Variants in KCNQ1 observed in about 807,000 individuals in gnomAD.
The protein encoded by KCNQ1 is potassium voltage-gated channel subfamily Q member 1.
KCNQ1 carries 49 observed loss-of-function variants against 72.4 expected under a neutral mutation model. The ratio of observed to expected loss-of-function variants is 0.68; its 90% CI spans 0.54 to 0.86. The LOEUF is 0.86. Among genes scored for constraint, KCNQ1 ranks in the 40% least tolerant of loss-of-function variants. The pLI is 0.00. For synonymous variants in KCNQ1, 450 were observed against 412.6 expected (o/e 1.09, Z -1.10); for missense variants, 790 against 945.1 (o/e 0.84, Z 2.15).
rs144277246 is a variant in KCNQ1, at chr11:2,465,634, C to A, written c.386+20150C>A. ...TCACGCTAGGTGCCTTGTACCAGTG[C>A]CTGCTTGGGGGTGGAATTGGAGAGG... is the stretch of plus-strand genomic sequence containing the variant. On this transcript the variant is annotated intron_variant, in intron 1 of 15. Transcript: ENST00000155840. Among the ~76,000 whole-genome samples the A allele has an allele frequency of 5.2e-3, 798 of 152,308 alleles. 5 individuals are homozygous for A. The highest frequency in any genetic ancestry group is 9.0e-3 in the Non-Finnish European group (610 of 68,022).
In KCNQ1 at chr11:2,669,721, G is replaced by A. The variant is rs16928530; in HGVS notation, c.1514+7640G>A. The A allele has an allele frequency of 0.01, 4,161 of 398,554 alleles. 168 individuals carry two copies. Among genetic ancestry groups the A allele is most frequent in the African/African-American group, 0.077 (3,761 of 48,684 alleles). The allele number at this position is 398,554 out of a possible 1,614,324, so 24.7% of individuals were successfully genotyped here. A position where few individuals can be genotyped will look rare whatever the true frequency, so the allele number is the denominator to read the frequency against. ...AGGCATCCAGCCACATACCTGACTC[G>A]GGGAAATGCCTGAAAATATTAGCCA... is the stretch of plus-strand genomic sequence containing the variant. On this transcript the variant is annotated intron_variant, in intron 11 of 15. Transcript: ENST00000155840. The surrounding 1 kb of genome is among the most constrained non-coding windows in gnomAD (Gnocchi z 5.6).
In KCNQ1 at chr11:2,759,044, TACTC is replaced by T. The variant is rs1341630009; in HGVS notation, c.1515-9799_1515-9796del. Reference sequence around the variant, plus strand: ...TGTCAATCTCCTGGCGTTGATCTGTTACTCCACCCATGCAAGGTGTGACCGTCGC... The same window carrying T: ...TGTCAATCTCCTGGCGTTGATCTGTTCACCCATGCAAGGTGTGACCGTCGC... On this transcript the variant is annotated intron_variant, in intron 11 of 15. Coordinates refer to ENST00000155840, the MANE Select transcript of KCNQ1 (RefSeq NM_000218.3). This position sits in a 1 kb window ranked among gnomAD's most constrained non-coding sequence, Gnocchi z 4.4. Among the ~76,000 whole-genome samples, 2 of 151,864 alleles carry T rather than the reference TACTC, an allele frequency of 1.3e-5. No homozygotes were observed. Among genetic ancestry groups the T allele is most frequent in the African/African-American group, 2.4e-5 (1 of 41,330 alleles).
In KCNQ1 at chr11:2,626,628, A is replaced by G. The variant is rs941149255; in HGVS notation, c.1394-35333A>G. 1.3e-5 allele frequency: 5 copies of G among 398,516 alleles called. No individual in the cohort carries two copies. Among genetic ancestry groups the G allele is most frequent in the Non-Finnish European group, 2.2e-5 (5 of 226,112 alleles). The allele number at this position is 398,516 out of a possible 1,614,324, so 24.7% of individuals were successfully genotyped here. A position where few individuals can be genotyped will look rare whatever the true frequency, so the allele number is the denominator to read the frequency against. On this transcript the variant is annotated intron_variant, in intron 10 of 15. Coordinates refer to ENST00000155840, the MANE Select transcript of KCNQ1 (RefSeq NM_000218.3). This position sits in a 1 kb window ranked among gnomAD's most constrained non-coding sequence, Gnocchi z 4.0. Reference sequence around the variant, plus strand: ...ACTGCCACCTCAATCTCCCAGGCTCAAGCAATCCTCCCACCTCGGCTTCTT... The same window carrying G: ...ACTGCCACCTCAATCTCCCAGGCTCGAGCAATCCTCCCACCTCGGCTTCTT...
Position 2,703,607 on chromosome 11 carries a change from T to C in KCNQ1, c.1514+41526T>C, listed in dbSNP as rs1483322038. Among the ~76,000 whole-genome samples, 1 of 152,136 alleles carries C rather than the reference T, an allele frequency of 6.6e-6. No homozygotes were observed. The highest frequency in any genetic ancestry group is 2.4e-5 in the African/African-American group (1 of 41,416). On this transcript the variant is annotated intron_variant, in intron 11 of 15. Coordinates refer to ENST00000155840, the MANE Select transcript of KCNQ1 (RefSeq NM_000218.3). This position sits in a 1 kb window ranked among gnomAD's most constrained non-coding sequence, Gnocchi z 6.4. The stretch of plus-strand genomic sequence containing the variant: ...GTGGGGGATTAGGGGAGGAAGTTGC[T>C]GAGCTAATTCTTTTGCATTTGCCAG...
chr11:2,740,716 C>T (rs1042323153), intron 11 of KCNQ1, among the ~76,000 whole-genome samples: 25 of 152,214 alleles, frequency 1.6e-4, no homozygotes, highest in African/African-American at 4.6e-4. Flanking sequence ...GTTTCCTGCT[C>T]CTAGGGGCGC....
rs756974681 is a variant in KCNQ1, at chr11:2,461,518, G to T, written c.386+16034G>T. 3 of 1,332,602 alleles carry T rather than the reference G, an allele frequency of 2.3e-6. No individual in the cohort carries two copies. The Admixed American group carries it at 6.1e-5, about 27-fold the overall frequency. The allele number at this position is 1,332,602 out of a possible 1,614,324, so 82.5% of individuals were successfully genotyped here. A position where few individuals can be genotyped will look rare whatever the true frequency, so the allele number is the denominator to read the frequency against. ...GCACTGTCTTTGCGCCTGCACATGT[G>T]TGTGTCTGGAGTGTAGGATGGCACT... On this transcript the variant is annotated intron_variant, in intron 1 of 15. Transcript: ENST00000155840.
intron 10 of KCNQ1, chr11:2,625,890 C>A (rs1849254112): frequency 2.5e-6 from 1 of 398,542 alleles, no homozygotes; most frequent in Admixed American, 4.4e-5. Context: ...TTTTCAGGTG[C>A]ATTGTTTTTT....
chr11:2,554,091 C>T (rs1848033903), intron 2 of KCNQ1, among the ~76,000 whole-genome samples: 1 of 152,182 alleles, frequency 6.6e-6, no homozygotes, highest in Non-Finnish European at 1.5e-5. Flanking sequence ...CGCCCACGCT[C>T]ACGAGGGCGT....
rs1360441157 is a variant in KCNQ1, at chr11:2,464,882, G to A, written c.386+19398G>A. Among the ~76,000 whole-genome samples, 1 of 152,154 alleles carries A rather than the reference G, an allele frequency of 6.6e-6. No homozygotes were observed. Among genetic ancestry groups the A allele is most frequent in the Admixed American group, 6.5e-5 (1 of 15,284 alleles). ...TTCTCTTTTCCTGTGTGTTAAGGTAGTTCAAAGTCCTCCTGCCCGAGGAAG... is the reference window on the plus strand; with the variant it reads ...TTCTCTTTTCCTGTGTGTTAAGGTAATTCAAAGTCCTCCTGCCCGAGGAAG... On this transcript the variant is annotated intron_variant, in intron 1 of 15. Transcript: ENST00000155840. This position sits in a 1 kb window ranked among gnomAD's most constrained non-coding sequence, Gnocchi z 5.0.
At position 2,784,028 on chromosome 11, in the gene KCNQ1, C is replaced by T. The variant is rs184975771; in HGVS notation, c.1794+5991C>T. On this transcript the variant is annotated intron_variant, in intron 15 of 15. Coordinates refer to ENST00000155840, the MANE Select transcript of KCNQ1 (RefSeq NM_000218.3). This position sits in a 1 kb window ranked among gnomAD's most constrained non-coding sequence, Gnocchi z 4.7. ...GTCCAATTTGTCTTTTCTTATATGG[C>T]TCAGGCTTTTGATGTTTTATCTAAG... Among the ~76,000 whole-genome samples the T allele has an allele frequency of 2.0e-5, 3 of 152,020 alleles. No homozygotes were observed. The highest frequency in any genetic ancestry group is 6.5e-5 in the Admixed American group (1 of 15,294).
chr11:2,521,131 G>A (rs1589926688), intron 1 of KCNQ1, among the ~76,000 whole-genome samples: 2 of 152,024 alleles, frequency 1.3e-5, no homozygotes, highest in East Asian at 1.9e-4. Flanking sequence ...GTGGCAATAG[G>A]TACATTTACA....
Position 2,661,830 on chromosome 11 carries a change from A to T in KCNQ1, c.1394-131A>T. ...ACCCCAACACCCAACTATAAAACTG[A>T]TTGTCAGGGCTGGAGCTTCCAGGCA... On this transcript the variant is annotated intron_variant, in intron 10 of 15. Coordinates refer to ENST00000155840, the MANE Select transcript of KCNQ1 (RefSeq NM_000218.3). This position sits in a 1 kb window ranked among gnomAD's most constrained non-coding sequence, Gnocchi z 5.9. The T allele has an allele frequency of 5.5e-6, 6 of 1,095,136 alleles. No homozygotes were observed. The highest frequency in any genetic ancestry group is 8.3e-6 in the Non-Finnish European group (6 of 724,112). 67.8% of individuals were successfully genotyped at this position (1,095,136 alleles called of 1,614,324 possible).
In KCNQ1 at chr11:2,663,876, AG is replaced by A. The variant is rs1850014266; in HGVS notation, c.1514+1798del. 2 of 398,560 alleles carry A rather than the reference AG, an allele frequency of 5.0e-6. No individual in the cohort carries two copies. The highest frequency in any genetic ancestry group is 4.1e-5 in the African/African-American group (2 of 48,628). 24.7% of individuals were successfully genotyped at this position (398,560 alleles called of 1,614,324 possible). On this transcript the variant is annotated intron_variant, in intron 11 of 15. Coordinates refer to ENST00000155840, the MANE Select transcript of KCNQ1 (RefSeq NM_000218.3). The surrounding 1 kb of genome is among the most constrained non-coding windows in gnomAD (Gnocchi z 5.2). Reference sequence around the variant, plus strand: ...GAGCCAGAGGTTACCCACCTGCCCAAGGGTGACCCCAAGCCAGTGTGGCTGT... The same window carrying A: ...GAGCCAGAGGTTACCCACCTGCCCAAGGTGACCCCAAGCCAGTGTGGCTGT...
At position 2,651,098 on chromosome 11, in the gene KCNQ1, C is replaced by T; in HGVS notation, c.1394-10863C>T. 1 of 398,748 alleles carries T rather than the reference C, an allele frequency of 2.5e-6. No individual in the cohort carries two copies. The highest frequency in any genetic ancestry group is 4.4e-6 in the Non-Finnish European group (1 of 226,128). 24.7% of individuals were successfully genotyped at this position (398,748 alleles called of 1,614,324 possible). A position where few individuals can be genotyped will look rare whatever the true frequency, so the allele number is the denominator to read the frequency against. ...CATTACTGGTCTCTTGATTTCCACT[C>T]TTGCTTCCTGTACTCCATTCTTCAC... is the stretch of plus-strand genomic sequence containing the variant. On this transcript the variant is annotated intron_variant, in intron 10 of 15. Transcript: ENST00000155840. The surrounding 1 kb of genome is among the most constrained non-coding windows in gnomAD (Gnocchi z 6.1).
intron 15 of KCNQ1, among the ~76,000 whole-genome samples, chr11:2,791,175 A>G (rs888841314): frequency 2.6e-5 from 4 of 152,364 alleles, no homozygotes; most frequent in African/African-American, 4.8e-5. Flanking sequence ...AGGCTGGGAT[A>G]GGACAGCAGG....
Position 2,669,365 on chromosome 11 carries a change from T to A in KCNQ1, c.1514+7284T>A. On this transcript the variant is annotated intron_variant, in intron 11 of 15. Transcript: ENST00000155840. The surrounding 1 kb of genome is among the most constrained non-coding windows in gnomAD (Gnocchi z 5.6). ...CTCTAGATGGGCATGGGAGAATGGGTATCCTTATAGTTTTGGGGCTCCTGA... is the reference window on the plus strand; with the variant it reads ...CTCTAGATGGGCATGGGAGAATGGGAATCCTTATAGTTTTGGGGCTCCTGA... 2.5e-6 allele frequency: 1 copy of A among 398,636 alleles called. No individual in the cohort carries two copies. The highest frequency in any genetic ancestry group is 4.4e-6 in the Non-Finnish European group (1 of 226,074). The allele number at this position is 398,636 out of a possible 1,614,324, so 24.7% of individuals were successfully genotyped here.
At chr11:2,460,956 C>T (rs1016492418) in intron 1 of KCNQ1, among the ~76,000 whole-genome samples, 31 of 152,184 alleles carry the variant, frequency 2.0e-4, no homozygotes, top group African/African-American at 7.2e-4. Flanking sequence ...GTGGATGGCC[C>T]CTGTCCTGGG....
intron 11 of KCNQ1, among the ~76,000 whole-genome samples, chr11:2,749,493 G>A (rs1007299209): frequency 7.9e-5 from 12 of 152,070 alleles, no homozygotes; most frequent in Non-Finnish European, 1.5e-4. Flanking sequence ...GGGAATGATC[G>A]AGGAGTTAAC....
rs896739571 is a variant in KCNQ1 at position 2,566,814 on chromosome 11, A to G, written c.478-3814A>G. Among the ~76,000 whole-genome samples the G allele has an allele frequency of 2.0e-5, 3 of 152,096 alleles. No homozygotes were observed. Among genetic ancestry groups the G allele is most frequent in the Non-Finnish European group, 4.4e-5 (3 of 68,004 alleles). On this transcript the variant is annotated intron_variant, in intron 2 of 15. Transcript: ENST00000155840. The surrounding 1 kb of genome is among the most constrained non-coding windows in gnomAD (Gnocchi z 6.7). ...TGTGAGAGGCGCTTTGTGGGGCTGG[A>G]TGATCCTGGGTGCCCCTCAGAGAAG... is the stretch of plus-strand genomic sequence containing the variant.
Sources: gnomAD v4.1 joint callset for allele counts (sites outside exome capture counted in the v4.1 genomes callset) on GRCh38, gnomAD v4.1.1 for gene constraint, Gnocchi (gnomAD v3.1) non-coding constraint, MANE v1.5 for transcripts, NCBI Gene and HGNC (gene_info 2026-07-23, HGNC 2026-07-21) for gene names.